The following ITGB3BP variants were observed in gnomAD, a reference collection of about 807,000 sequenced individuals.
The protein encoded by ITGB3BP is centromere protein R.
Under a neutral mutation model 29.1 loss-of-function variants are expected in ITGB3BP, and 27 were observed. The ratio of observed to expected loss-of-function variants is 0.93; its 90% CI spans 0.68 to 1.28. The LOEUF is 1.28. Among genes scored for constraint, ITGB3BP ranks in the 50% most tolerant of loss-of-function variants. ITGB3BP has a pLI of 0.00. For missense variants in ITGB3BP, 192 were observed against 200.2 expected (o/e 0.96, Z 0.25); for synonymous variants, 61 against 61.4 (o/e 0.99, Z 0.03).
intron 1 of ITGB3BP, among the ~76,000 whole-genome samples, chr1:63,510,923 G>A (rs1045322979): frequency 1.3e-5 from 2 of 152,046 alleles, no homozygotes; most frequent in South Asian, 2.1e-4. Flanking sequence ...TAGAAGAGAC[G>A]GATGAAACAT....
At chr1:63,484,419 A>G (rs919724998) in intron 3 of ITGB3BP, among the ~76,000 whole-genome samples, 2 of 152,106 alleles carry the variant, frequency 1.3e-5, no homozygotes, top group Non-Finnish European at 2.9e-5. Context: ...ATGTAGGTAT[A>G]AATTTTTCCT....
chr1:63,500,960 T>A (rs1570281204), intron 2 of ITGB3BP, among the ~76,000 whole-genome samples: 1 of 152,266 alleles, frequency 6.6e-6, no homozygotes, highest in East Asian at 1.9e-4. Context: ...CACATATATA[T>A]AGATAGACAA....
chr1:63,503,653 A>G (rs1446963017), intron 2 of ITGB3BP, among the ~76,000 whole-genome samples: 2 of 152,292 alleles, frequency 1.3e-5, no homozygotes, highest in East Asian at 1.9e-4. Context: ...TAGGTCTAAC[A>G]TTTAAGTCTT....
intron 1 of ITGB3BP, among the ~76,000 whole-genome samples, chr1:63,516,710 A>C (rs1201136345): frequency 1.0e-5 from 1 of 100,036 alleles, no homozygotes; most frequent in Non-Finnish European, 2.5e-5. Flanking sequence ...ACCTTGTTTC[A>C]TGAAAAAAAA....
intron 4 of ITGB3BP, among the ~76,000 whole-genome samples, chr1:63,469,472 A>T (rs1483068094): frequency 6.6e-6 from 1 of 152,008 alleles, no homozygotes; most frequent in Non-Finnish European, 1.5e-5. Flanking sequence ...GATTACAGAC[A>T]TGGGCACCAT....
intron 8 of ITGB3BP, among the ~76,000 whole-genome samples, chr1:63,444,171 A>G (rs1644761228): frequency 6.6e-6 from 1 of 152,126 alleles, no homozygotes; most frequent in South Asian, 2.1e-4. Context: ...CAAAGACTCA[A>G]AAGAACACCC....
intron 2 of ITGB3BP, among the ~76,000 whole-genome samples, chr1:63,496,371 G>A (rs1645788391): frequency 6.6e-6 from 1 of 152,098 alleles, no homozygotes; most frequent in Admixed American, 6.5e-5. Flanking sequence ...GGGATTACAG[G>A]TGTGAGCCAC....
intron 1 of ITGB3BP, among the ~76,000 whole-genome samples, chr1:63,516,162 T>C (rs11208233): frequency 0.95 from 143,426 of 151,414 alleles, 68,428 homozygotes; most frequent in East Asian, 1. Flanking sequence ...GTGGCTCACA[T>C]CTGTAATCCC....
intron 1 of ITGB3BP, 87 bp downstream of exon 1, chr1:63,523,042 A>C: frequency 6.5e-7 from 1 of 1,527,998 alleles, no homozygotes; most frequent in Non-Finnish European, 9.1e-7. Context: ...AAAAATAGGA[A>C]AACGAGAAAG....
At chr1:63,493,672 TATG>T (rs1207573947) in intron 2 of ITGB3BP, among the ~76,000 whole-genome samples, 6 of 152,200 alleles carry the variant, frequency 3.9e-5, no homozygotes, top group Non-Finnish European at 8.8e-5. Context: ...TTCAAATAGA[TATG>T]ATATTTTCCT....
chr1:63,446,895 A>G (rs1644797845), intron 7 of ITGB3BP, 39 bp from the exon 8 acceptor site: 1 of 623,858 alleles, frequency 1.6e-6, no homozygotes, highest in Non-Finnish European at 2.2e-6. Context: ...TCAGAAAACA[A>G]TTCAAAGCAA....
intron 7 of ITGB3BP, chr1:63,447,431 T>A (rs1218184179): frequency 2.6e-5 from 10 of 385,560 alleles, no homozygotes; most frequent in Non-Finnish European, 5.1e-5. Context: ...AGATAAGACT[T>A]TTTGTTTGTC....
chr1:63,507,832 C>T (rs1184747607), intron 2 of ITGB3BP, among the ~76,000 whole-genome samples: 1 of 152,106 alleles, frequency 6.6e-6, no homozygotes, highest in East Asian at 1.9e-4. Flanking sequence ...TATTGACTAG[C>T]TATTTGTTTT....
At chr1:63,513,102 A>C (rs753398225) in intron 1 of ITGB3BP, among the ~76,000 whole-genome samples, 1 of 152,198 alleles carries the variant, frequency 6.6e-6, no homozygotes, top group East Asian at 1.9e-4. Flanking sequence ...ATGTATTGTA[A>C]TATCAGTGAT....
intron 1 of ITGB3BP, among the ~76,000 whole-genome samples, chr1:63,522,258 A>G (rs1302086302): frequency 1.3e-5 from 2 of 152,244 alleles, no homozygotes; most frequent in African/African-American, 4.8e-5. Flanking sequence ...TCATTTCTGT[A>G]CAGCTTTCCC....
Position 63,454,845 on chromosome 1 carries a change from A to AT in ITGB3BP, c.333+44dup. 1 of 888,048 alleles carries AT rather than the reference A, an allele frequency of 1.1e-6. No individual in the cohort carries two copies. Among genetic ancestry groups the AT allele is most frequent in the Non-Finnish European group, 1.8e-6 (1 of 556,188 alleles). 55.0% of individuals were successfully genotyped at this position (888,048 alleles called of 1,614,324 possible). ...TTCTCCAATCTGGGACACTTCTTTC[A>AT]TTTTATCCTTTTCAAACAGGGTAGA... is the stretch of plus-strand genomic sequence containing the variant. On this transcript the variant is annotated intron_variant, in intron 5 of 8. Transcript: ENST00000271002. This position sits in a 1 kb window ranked among gnomAD's most constrained non-coding sequence, Gnocchi z 4.1.
At chr1:63,461,010 T>TG (rs1645007565) in intron 4 of ITGB3BP, among the ~76,000 whole-genome samples, 1 of 146,104 alleles carries the variant, frequency 6.8e-6, no homozygotes, top group Non-Finnish European at 1.5e-5. Flanking sequence ...GAGGCTGAGG[T>TG]GGGCAGATCA....
At chr1:63,524,604 A>G (rs1168624186), upstream of ITGB3BP, among the ~76,000 whole-genome samples, 1 of 152,124 alleles carries the variant, frequency 6.6e-6, no homozygotes, top group Non-Finnish European at 1.5e-5. Flanking sequence ...TAGGTTGGAG[A>G]TCTATTTTTA....
chr1:63,470,288 C>T (rs1297525480), intron 4 of ITGB3BP, among the ~76,000 whole-genome samples: 4 of 152,128 alleles, frequency 2.6e-5, no homozygotes, highest in East Asian at 1.9e-4. Flanking sequence ...TCTCCCCGAC[C>T]GAGCTGGTCT....
Sources: gnomAD v4.1 joint callset for allele counts (sites outside exome capture counted in the v4.1 genomes callset) on GRCh38, gnomAD v4.1.1 for gene constraint, Gnocchi (gnomAD v3.1) non-coding constraint, MANE v1.5 for transcripts, NCBI Gene and HGNC (gene_info 2026-07-23, HGNC 2026-07-21) for gene names.